Variants in ESR1 observed in about 807,000 individuals in gnomAD.
ESR1 encodes estrogen receptor 1.
ESR1 carries 12 observed loss-of-function variants against 52.7 expected under a neutral mutation model. The observed-to-expected ratio is 0.23, with a 90% confidence interval of 0.15 to 0.37. The LOEUF is 0.37. Among genes scored for constraint, ESR1 ranks in the 10% least tolerant of loss-of-function variants. The pLI is 1.00. For missense variants in ESR1, 584 were observed against 779.7 expected (o/e 0.75, Z 2.99); for synonymous variants, 305 against 316.8 (o/e 0.96, Z 0.39).
intron 1 of ESR1, among the ~76,000 whole-genome samples, chr6:151,828,209 A>G (rs1203552196): frequency 2.0e-5 from 3 of 152,134 alleles, no homozygotes; most frequent in Non-Finnish European, 4.4e-5. Context: ...GATATCACGG[A>G]ATGAGTTCTA....
intron 3 of ESR1, among the ~76,000 whole-genome samples, chr6:151,905,086 T>A (rs1797238281): frequency 6.6e-6 from 1 of 152,184 alleles, no homozygotes; most frequent in South Asian, 2.1e-4. Context: ...AGATAAATTT[T>A]TAAAACATTG....
intron 5 of ESR1, among the ~76,000 whole-genome samples, chr6:152,044,762 C>A (rs113429088): frequency 0.041 from 6,300 of 152,324 alleles, 176 homozygotes; most frequent in Middle Eastern, 0.075. Flanking sequence ...TTTGTCCTAG[C>A]CATGCTGGCA....
chr6:152,011,844 G>A (rs761412369), intron 5 of ESR1, 50 bp downstream of exon 5: 2 of 1,592,440 alleles, frequency 1.3e-6, no homozygotes, highest in East Asian at 4.5e-5. Flanking sequence ...TACGATCATA[G>A]TTCATTCATG....
chr6:151,728,689 G>T (rs755386656), intron 2 of ESR1, among the ~76,000 whole-genome samples: 1 of 151,998 alleles, frequency 6.6e-6, no homozygotes, highest in South Asian at 2.1e-4. Context: ...CATTTGATGC[G>T]CCTCCTTTTA....
intron 2 of ESR1, among the ~76,000 whole-genome samples, chr6:151,746,058 T>C (rs1783454735): frequency 6.6e-6 from 1 of 152,234 alleles, no homozygotes; most frequent in Non-Finnish European, 1.5e-5. Context: ...TTTTCAGGGC[T>C]GAATAATACT....
intron 2 of ESR1, among the ~76,000 whole-genome samples, chr6:151,878,597 A>G (rs906894419): frequency 6.6e-6 from 1 of 152,204 alleles, no homozygotes; most frequent in Non-Finnish European, 1.5e-5. Flanking sequence ...TAGTTAAAAC[A>G]TTTCACTGCA....
At chr6:151,912,004 A>G (rs1798344628) in intron 3 of ESR1, among the ~76,000 whole-genome samples, 1 of 152,224 alleles carries the variant, frequency 6.6e-6, no homozygotes, top group Admixed American at 6.5e-5. Context: ...AAATAGTATT[A>G]TAAGTTCAAC....
intron 2 of ESR1, among the ~76,000 whole-genome samples, chr6:151,876,004 G>C (rs1453711757): frequency 6.6e-6 from 1 of 152,142 alleles, no homozygotes; most frequent in Non-Finnish European, 1.5e-5. Context: ...AAGGCTGGAG[G>C]CAAAGGGTCC....
intron 6 of ESR1, among the ~76,000 whole-genome samples, chr6:152,079,025 CCT>C (rs2048977265): frequency 6.6e-6 from 1 of 152,358 alleles, no homozygotes; most frequent in South Asian, 2.1e-4. Context: ...AGGCCTACTG[CCT>C]CTCTAGATTC....
chr6:151,839,713 G>A (rs914770235), intron 1 of ESR1, among the ~76,000 whole-genome samples: 1 of 152,056 alleles, frequency 6.6e-6, no homozygotes, highest in Non-Finnish European at 1.5e-5. Flanking sequence ...GACACAAAAA[G>A]CAAAAGTAGG....
chr6:152,089,865 A>G (rs1345920759), intron 6 of ESR1, among the ~76,000 whole-genome samples: 1 of 152,176 alleles, frequency 6.6e-6, no homozygotes, highest in African/African-American at 2.4e-5. Context: ...GGCATGAGTC[A>G]TTGCACCCAG....
At chr6:151,933,619 C>G (rs1039362714) in intron 3 of ESR1, among the ~76,000 whole-genome samples, 2 of 152,072 alleles carry the variant, frequency 1.3e-5, no homozygotes, top group South Asian at 2.1e-4. Context: ...ATTATTTTGA[C>G]ATACGTCCCA....
intron 5 of ESR1, among the ~76,000 whole-genome samples, chr6:152,033,068 T>A (rs905729535): frequency 1.1e-4 from 17 of 152,154 alleles, no homozygotes; most frequent in Non-Finnish European, 2.2e-4. Context: ...TAAATGGTGC[T>A]GGGAAAACTG....
At position 151,752,596 on chromosome 6, in the gene ESR1, A is replaced by T. The variant is rs149632309; in HGVS notation, c.-71+50591A>T. ...CAGTTCAAAATTGCAAAACTGTAGA[A>T]AAAATATGCTCTTTGACTTCTTTTC... On this transcript the variant is annotated intron_variant, in intron 2 of 2. Transcript: ENST00000404742. Among the ~76,000 whole-genome samples the T allele has an allele frequency of 2.5e-3, 378 of 152,294 alleles. 2 individuals carry two copies. Among genetic ancestry groups the T allele is most frequent in the African/African-American group, 8.5e-3 (354 of 41,576 alleles).
chr6:151,955,143 T>C (rs1296187519), intron 4 of ESR1, among the ~76,000 whole-genome samples: 2 of 152,160 alleles, frequency 1.3e-5, no homozygotes, highest in African/African-American at 2.4e-5. Context: ...CAAGACCACT[T>C]TGACAGAATC....
intron 2 of ESR1, among the ~76,000 whole-genome samples, chr6:151,709,431 C>T (rs956505983): frequency 6.6e-6 from 1 of 152,108 alleles, no homozygotes; most frequent in African/African-American, 2.4e-5. Context: ...ATGAATAATG[C>T]TGTAATAAAC....
chr6:151,835,635 TG>T (rs1783205518), intron 1 of ESR1, among the ~76,000 whole-genome samples: 1 of 152,120 alleles, frequency 6.6e-6, no homozygotes, highest in South Asian at 2.1e-4. Context: ...CCAGGAGAGA[TG>T]AAATGTGTGT....
At chr6:151,919,815 G>A (rs1342052152) in intron 3 of ESR1, among the ~76,000 whole-genome samples, 3 of 152,162 alleles carry the variant, frequency 2.0e-5, no homozygotes, top group African/African-American at 7.2e-5. Context: ...AAAGAGATGA[G>A]TAGGAGTTAA....
intron 1 of ESR1, among the ~76,000 whole-genome samples, chr6:151,681,940 T>A (rs1171415246): frequency 6.6e-6 from 1 of 152,168 alleles, no homozygotes; most frequent in Non-Finnish European, 1.5e-5. Flanking sequence ...CAGTCTCCGG[T>A]GGCTGCAGTT....
Sources: gnomAD v4.1 joint callset for allele counts (sites outside exome capture counted in the v4.1 genomes callset) on GRCh38, gnomAD v4.1.1 for gene constraint, MANE v1.5 for transcripts, NCBI Gene and HGNC (gene_info 2026-07-23, HGNC 2026-07-21) for gene names.